The following TVP23B variants were observed in gnomAD, a reference collection of about 807,000 sequenced individuals.
The protein encoded by TVP23B is trans-golgi network vesicle protein 23 homolog B, also known as Golgi apparatus membrane protein TVP23 homolog B.
TVP23B carries 10 observed loss-of-function variants against 30.6 expected under a neutral mutation model. That is an observed-to-expected ratio of 0.33 (90% confidence interval 0.20 to 0.55). TVP23B has a LOEUF of 0.55. Ranked by LOEUF, TVP23B falls within the 20% of genes least tolerant of loss-of-function variation. The pLI, the probability that TVP23B is intolerant of heterozygous loss-of-function variation, is 0.91. For missense variants in TVP23B, 153 were observed against 243.2 expected, an observed-to-expected ratio of 0.63 and a Z score of 2.47; for synonymous variants, 67 against 83.1, an observed-to-expected ratio of 0.81 and a Z score of 1.06.
intron 1 of TVP23B, among the ~76,000 whole-genome samples, chr17:18,782,857 T>C (rs1400534107): frequency 6.6e-6 from 1 of 151,514 alleles, no homozygotes; most frequent in Non-Finnish European, 1.5e-5. Context: ...CAACCTGTTT[T>C]TTCAGCAAGG....
At chr17:18,793,750 C>T (rs1300381185) in intron 3 of TVP23B, among the ~76,000 whole-genome samples, 1 of 151,948 alleles carries the variant, frequency 6.6e-6, no homozygotes. Flanking sequence ...TCAGAAAGTA[C>T]ATGTATAAAG....
intron 5 of TVP23B, among the ~76,000 whole-genome samples, chr17:18,801,444 A>G (rs2036165657): frequency 6.6e-6 from 1 of 152,062 alleles, no homozygotes; most frequent in East Asian, 1.9e-4. Context: ...CCCCTTGACC[A>G]CCTTCTCCTG....
intron 1 of TVP23B, among the ~76,000 whole-genome samples, chr17:18,786,509 T>C (rs1328692024): frequency 2.0e-5 from 3 of 152,046 alleles, no homozygotes; most frequent in African/African-American, 7.2e-5. Flanking sequence ...GCGATTAGAC[T>C]GTTGGGATCG....
At chr17:18,803,699 C>T (rs1465274419) in intron 5 of TVP23B, among the ~76,000 whole-genome samples, 2 of 152,250 alleles carry the variant, frequency 1.3e-5, no homozygotes, top group Non-Finnish European at 2.9e-5. Flanking sequence ...CAGAGATTCA[C>T]CCCTACCTGC....
At chr17:18,791,879 G>A (rs1250897174) in intron 3 of TVP23B, among the ~76,000 whole-genome samples, 5 of 151,782 alleles carry the variant, frequency 3.3e-5, no homozygotes, top group African/African-American at 1.2e-4. Context: ...GGTATTCACT[G>A]TAAAATTTAA....
rs1037181945 is a variant in TVP23B at position 18,806,087 on chromosome 17, T to G, written c.*520T>G. ...TTTAATATGCACTTCGTGGGGAAAT[T>G]TCTTAGACGTATGCAAGCAAGTGAA... On this transcript the variant is annotated 3_prime_UTR_variant, in exon 7 of 7. Transcript: ENST00000307767. 3.2e-5 allele frequency: 31 copies of G among 976,628 alleles called. No individual in the cohort carries two copies. The highest frequency in any genetic ancestry group is 3.6e-5 in the Non-Finnish European group (30 of 822,060). 60.5% of individuals were successfully genotyped at this position (976,628 alleles called of 1,614,324 possible). A position where few individuals can be genotyped will look rare whatever the true frequency, so the allele number is the denominator to read the frequency against.
At chr17:18,803,769 A>G (rs184643049) in intron 5 of TVP23B, among the ~76,000 whole-genome samples, 2 of 152,354 alleles carry the variant, frequency 1.3e-5, no homozygotes, top group East Asian at 3.9e-4. Flanking sequence ...TTATAGGAAT[A>G]ATTAACATTT....
At chr17:18,796,545 AAAACAAAAAACAAAACC>A (rs1314367782) in intron 3 of TVP23B, 70 of 152,330 alleles carry the variant, frequency 4.6e-4, no homozygotes, top group African/African-American at 1.6e-3. Flanking sequence ...CTCTGTCTCA[AAAACAAAAAACAAAACC>A]AAACAAAAAA....
rs1440911239 is a variant in TVP23B, at chr17:18,786,913, G to T, written c.13-2440G>T. ...CAGCTGACAAACTCTCCTCCAGAAA[G>T]CTTCTCCAGTGCCCTGTAGTAGGAA... is the stretch of plus-strand genomic sequence containing the variant. On this transcript the variant is annotated intron_variant, in intron 1 of 6. Transcript: ENST00000307767. Among the ~76,000 whole-genome samples, 13 of 149,646 alleles carry T rather than the reference G, an allele frequency of 8.7e-5. No homozygotes were observed. In the East Asian group the frequency reaches 2.4e-3, roughly 27 times the overall value.
chr17:18,804,388 T>C, intron 6 of TVP23B, 122 bp downstream of exon 6: 1 of 1,367,496 alleles, frequency 7.3e-7, no homozygotes, highest in South Asian at 1.6e-5. Flanking sequence ...AATATAATGA[T>C]AAAGATGTTG....
At chr17:18,802,232 T>A (rs2036179289) in intron 5 of TVP23B, among the ~76,000 whole-genome samples, 1 of 151,810 alleles carries the variant, frequency 6.6e-6, no homozygotes, top group Admixed American at 6.6e-5. Flanking sequence ...AAAAAATAAA[T>A]AAATAAAAAT....
chr17:18,790,011 A>C (rs1179038443), intron 2 of TVP23B, among the ~76,000 whole-genome samples: 1 of 152,234 alleles, frequency 6.6e-6, no homozygotes, highest in Non-Finnish European at 1.5e-5. Context: ...ATGGGGAATG[A>C]CTGCCAGTGG....
rs530844142 is a variant in TVP23B, at chr17:18,790,339, C to G, written c.96-557C>G. Among the ~76,000 whole-genome samples, 12 of 151,762 alleles carry G rather than the reference C, an allele frequency of 7.9e-5. No individual in the cohort carries two copies. In the South Asian group the frequency reaches 2.5e-3, roughly 32 times the overall value. On this transcript the variant is annotated intron_variant, in intron 2 of 6. Coordinates refer to ENST00000307767, the MANE Select transcript of TVP23B (RefSeq NM_016078.6). ...ATTAGCCGGGCGTGGTGGCAGGCGC[C>G]TGTAGTCCCAGCTACTTGGGAGGCT...
chr17:18,785,341 C>T (rs1189484030), intron 1 of TVP23B, among the ~76,000 whole-genome samples: 1 of 151,722 alleles, frequency 6.6e-6, no homozygotes, highest in Non-Finnish European at 1.5e-5. Context: ...CCGTGGTCTT[C>T]CCCATCTTAG....
rs182196191 is a variant in TVP23B at position 18,794,411 on chromosome 17, G to A, written c.241-3168G>A. On this transcript the variant is annotated intron_variant, in intron 3 of 6. Transcript: ENST00000307767. ...GAAATTGGAATTCTTTTTAAAAAGC[G>A]AACTACTACATATCTTGGGTTTAAA... Among the ~76,000 whole-genome samples, 10 of 152,272 alleles carry A rather than the reference G, an allele frequency of 6.6e-5. 1 individual carries two copies. The highest frequency in any genetic ancestry group is 2.6e-4 in the Admixed American group (4 of 15,296).
At chr17:18,789,315 T>C in intron 1 of TVP23B, 38 bp from the exon 2 acceptor site, 1 of 1,613,858 alleles carries the variant, frequency 6.2e-7, no homozygotes, top group Admixed American at 1.7e-5. Flanking sequence ...AAACACTGAA[T>C]TTTGTTTTGC....
chr17:18,794,100 A>C (rs2036040265), intron 3 of TVP23B, among the ~76,000 whole-genome samples: 1 of 152,094 alleles, frequency 6.6e-6, no homozygotes, highest in Non-Finnish European at 1.5e-5. Context: ...AATATTAGAA[A>C]ATAGAAAAGC....
At chr17:18,803,003 C>G (rs560382312) in intron 5 of TVP23B, among the ~76,000 whole-genome samples, 1 of 152,234 alleles carries the variant, frequency 6.6e-6, no homozygotes, top group Non-Finnish European at 1.5e-5. Context: ...GTACCACCTC[C>G]TCTTCTTTTA....
intron 2 of TVP23B, among the ~76,000 whole-genome samples, chr17:18,790,555 TTTTGGTGTGA>T (rs959901537): frequency 6.6e-6 from 1 of 152,104 alleles, no homozygotes; most frequent in Non-Finnish European, 1.5e-5. Flanking sequence ...TAAGGAATTC[TTTTGGTGTGA>T]TTTGAAAATA....
Sources: gnomAD v4.1 joint callset for allele counts (sites outside exome capture counted in the v4.1 genomes callset) on GRCh38, gnomAD v4.1.1 for gene constraint, MANE v1.5 for transcripts, NCBI Gene and HGNC (gene_info 2026-07-23, HGNC 2026-07-21) for gene names.